Variants in GLIS3 observed in about 807,000 individuals in gnomAD.
GLIS3 encodes the protein zinc finger protein GLIS3.
Under a neutral mutation model 78.6 loss-of-function variants are expected in GLIS3, and 53 were observed. That is an observed-to-expected ratio of 0.67 (90% CI 0.54 to 0.85). GLIS3 has a LOEUF of 0.85. Among genes scored for constraint, GLIS3 ranks in the 40% least tolerant of loss-of-function variants. The probability of loss-of-function intolerance (pLI) is 0.00; values close to 1 mark genes in which losing one functional copy is unlikely to be tolerated. For synonymous variants in GLIS3, 684 were observed against 509.9 expected (o/e 1.34, Z -4.60); for missense variants, 1,703 against 1,231.1 (o/e 1.38, Z -5.74).
chr9:4,357,582 T>G, the GLIS3 span, among the ~76,000 whole-genome samples: 1 of 151,826 alleles, frequency 6.6e-6, no homozygotes, highest in Admixed American at 6.6e-5. Context: ...TGTGTGTGTG[T>G]GTGTGTGCAT....
intron 6 of GLIS3, among the ~76,000 whole-genome samples, chr9:3,904,529 C>G (rs1012907999): frequency 3.9e-5 from 6 of 152,088 alleles, no homozygotes; most frequent in African/African-American, 1.4e-4. Flanking sequence ...TTCTGGAGAA[C>G]CCTGACTGAT....
At chr9:3,832,982 G>A (rs1451969944) in intron 9 of GLIS3, among the ~76,000 whole-genome samples, 2 of 152,178 alleles carry the variant, frequency 1.3e-5, no homozygotes, top group African/African-American at 2.4e-5. Context: ...GAACAGAAGT[G>A]TCAAATGCTT....
At chr9:3,985,352 T>C (rs1819653230) in intron 4 of GLIS3, among the ~76,000 whole-genome samples, 1 of 152,196 alleles carries the variant, frequency 6.6e-6, no homozygotes, top group African/African-American at 2.4e-5. Flanking sequence ...TTCACCGTGT[T>C]GCCCAGGCTG....
At position 3,930,209 on chromosome 9, in the gene GLIS3, A is replaced by G. The variant is rs944235385; in HGVS notation, c.1983+2151T>C. On this transcript the variant is annotated intron_variant, in intron 6 of 10. Coordinates refer to ENST00000381971, the MANE Select transcript of GLIS3 (RefSeq NM_001042413.2). ...ATCGGAAAGTAAACACTGCAAACTT[A>G]TCACTAAGGGCTGTGCAATGCGAGT... is the stretch of plus-strand genomic sequence containing the variant. 2.0e-5 allele frequency among the ~76,000 whole-genome samples: 3 copies of G among 152,354 alleles called. No homozygotes were observed. The East Asian group carries it at 5.8e-4, about 29-fold the overall frequency.
At chr9:3,860,857 T>C (rs138720035) in intron 8 of GLIS3, among the ~76,000 whole-genome samples, 1 of 152,278 alleles carries the variant, frequency 6.6e-6, no homozygotes, top group African/African-American at 2.4e-5. Flanking sequence ...GCACTAGGGA[T>C]AGAGCAACAA....
chr9:4,036,828 G>A (rs138245142), intron 4 of GLIS3, among the ~76,000 whole-genome samples: 148 of 152,254 alleles, frequency 9.7e-4, no homozygotes, highest in Non-Finnish European at 1.6e-3. Flanking sequence ...ACTCATTCTT[G>A]ATGCCAAAAT....
chr9:4,357,561 C>CTGTGTGTG, the GLIS3 span, among the ~76,000 whole-genome samples: 1,281 of 147,740 alleles, frequency 8.7e-3, 20 homozygotes, highest in African/African-American at 0.029. Flanking sequence ...GAACTAATTC[C>CTGTGTGTG]TGTGTGTGTG....
chr9:4,081,911 C>T (rs1280947553), intron 4 of GLIS3, among the ~76,000 whole-genome samples: 1 of 152,172 alleles, frequency 6.6e-6, no homozygotes, highest in African/African-American at 2.4e-5. Flanking sequence ...AGGCAAAATA[C>T]TCCTAGAAGC....
intron 4 of GLIS3, among the ~76,000 whole-genome samples, chr9:4,018,102 A>T (rs1822585815): frequency 6.6e-6 from 1 of 152,162 alleles, no homozygotes. Flanking sequence ...GAGAGACAAA[A>T]CTCTTCCGAT....
chr9:3,915,660 C>A (rs1280902012), intron 6 of GLIS3, among the ~76,000 whole-genome samples: 2 of 152,154 alleles, frequency 1.3e-5, no homozygotes, highest in Admixed American at 6.5e-5. Context: ...AATGCTCCAG[C>A]CTTCATGATG....
chr9:4,214,216 A>G (rs1820622890), intron 2 of GLIS3, among the ~76,000 whole-genome samples: 1 of 152,212 alleles, frequency 6.6e-6, no homozygotes, highest in South Asian at 2.1e-4. Context: ...CTCTCTGATC[A>G]TCTTGTCATA....
At chr9:4,038,147 T>C (rs1481086036) in intron 4 of GLIS3, among the ~76,000 whole-genome samples, 2 of 152,190 alleles carry the variant, frequency 1.3e-5, no homozygotes, top group Non-Finnish European at 2.9e-5. Flanking sequence ...CAAGTAAATT[T>C]TGTCACTCTT....
intron 1 of GLIS3, among the ~76,000 whole-genome samples, 183 bp from the exon 2 acceptor site, chr9:4,286,706 C>A (rs1378912589): frequency 1.3e-5 from 2 of 152,238 alleles, no homozygotes; most frequent in African/African-American, 4.8e-5. Flanking sequence ...CTTCTGCACT[C>A]ATGGTGGACA....
intron 4 of GLIS3, among the ~76,000 whole-genome samples, chr9:3,979,688 G>A (rs916959877): frequency 1.5e-4 from 23 of 152,064 alleles, no homozygotes; most frequent in Admixed American, 1.5e-3. Flanking sequence ...ATGGATGTCT[G>A]GTACCTGTTT....
At chr9:3,988,774 T>C (rs888620018) in intron 4 of GLIS3, among the ~76,000 whole-genome samples, 4 of 151,798 alleles carry the variant, frequency 2.6e-5, no homozygotes, top group African/African-American at 7.3e-5. Flanking sequence ...AAATGGAATA[T>C]AGACCTAAAT....
At chr9:4,174,282 A>G (rs1816634853) in intron 2 of GLIS3, among the ~76,000 whole-genome samples, 1 of 152,226 alleles carries the variant, frequency 6.6e-6, no homozygotes, top group African/African-American at 2.4e-5. Context: ...TATTATACCT[A>G]CTTAAAACAT....
chr9:3,959,749 A>G (rs1173374054), intron 4 of GLIS3, among the ~76,000 whole-genome samples: 1 of 152,176 alleles, frequency 6.6e-6, no homozygotes, highest in Non-Finnish European at 1.5e-5. Context: ...TCCCTCCCAA[A>G]TAGAGTATAG....
In GLIS3 at chr9:4,047,829, T is replaced by C. The variant is rs147679015; in HGVS notation, c.1710+69939A>G. On this transcript the variant is annotated intron_variant, in intron 4 of 10. Transcript: ENST00000381971. ...CCAAAGCCAACATTCCTGACCTCTC[T>C]GTCTGCTTTTTCGGTTACATAGGAA... Among the ~76,000 whole-genome samples the C allele has an allele frequency of 2.7e-3, 406 of 152,344 alleles. 2 individuals are homozygous for C. The Middle Eastern group carries it at 0.027, about 10-fold the overall frequency.
At chr9:3,926,233 G>GTTTTTTTTTT (rs369677580) in intron 6 of GLIS3, among the ~76,000 whole-genome samples, 1 of 135,154 alleles carries the variant, frequency 7.4e-6, no homozygotes. Context: ...TTTTTCTTTT[G>GTTTTTTTTTT]TTTTTTTTTT....
Sources: gnomAD v4.1 joint callset for allele counts (sites outside exome capture counted in the v4.1 genomes callset) on GRCh38, gnomAD v4.1.1 for gene constraint, MANE v1.5 for transcripts, NCBI Gene and HGNC (gene_info 2026-07-23, HGNC 2026-07-21) for gene names.